MAML3: variants seen among roughly 807,000 people sequenced by gnomAD.
MAML3 encodes mastermind like transcriptional coactivator 3.
In MAML3, 27 loss-of-function variants were observed where a neutral mutation model predicts 101.9. That is an observed-to-expected ratio of 0.27 (90% CI 0.20 to 0.37). The LOEUF (loss-of-function observed/expected upper bound fraction) is 0.37, where lower values mean the gene tolerates loss of function less well. MAML3 is among the 10% of genes least tolerant of loss of function. MAML3 has a pLI of 1.00. For missense variants in MAML3, 1,316 were observed against 1,444.9 expected, an observed-to-expected ratio of 0.91 and a Z score of 1.45; for synonymous variants, 501 against 555.9, an observed-to-expected ratio of 0.90 and a Z score of 1.39.
Position 140,153,045 on chromosome 4 carries a change from A to T in MAML3, c.283T>A (p.Tyr95Asn). ...RRHHVNCENR[Y>N]QQAQVEQLEL... Reference sequence around the variant, plus strand: ...AGCTGCTCCACCTGAGCCTGCTGGTACCTGTTCTCGCAGTTGACGTGGTGC... The same window carrying T: ...AGCTGCTCCACCTGAGCCTGCTGGTTCCTGTTCTCGCAGTTGACGTGGTGC... The change falls in exon 1 of 5, where the codon TAC becomes AAC. Residue 95 changes from tyrosine (Y) to asparagine (N), a missense_variant. Tyr to Asn is a moderately radical substitution (Grantham distance 143). Transcript: ENST00000509479. 1 of 1,584,548 alleles carries T rather than the reference A, an allele frequency of 6.3e-7. No homozygotes were observed. Among genetic ancestry groups the T allele is most frequent in the Non-Finnish European group, 8.6e-7 (1 of 1,165,190 alleles).
chr4:139,852,657 C>T (rs551433361), intron 2 of MAML3, among the ~76,000 whole-genome samples: 8 of 152,164 alleles, frequency 5.3e-5, no homozygotes, highest in East Asian at 1.9e-4. Flanking sequence ...TCAAGTGATC[C>T]GCCCACCTCA....
intron 1 of MAML3, among the ~76,000 whole-genome samples, chr4:140,072,377 T>A (rs1443577980): frequency 6.6e-6 from 1 of 152,080 alleles, no homozygotes; most frequent in African/African-American, 2.4e-5. Context: ...AAGGGATAAC[T>A]TAAAGTATAC....
intron 2 of MAML3, among the ~76,000 whole-genome samples, chr4:139,771,979 C>T: frequency 6.6e-6 from 1 of 151,008 alleles, no homozygotes; most frequent in African/African-American, 2.4e-5. Context: ...GTGGCTCACG[C>T]CTGTAATCCC....
chr4:140,025,720 C>T (rs556792844), intron 1 of MAML3, among the ~76,000 whole-genome samples: 2 of 152,322 alleles, frequency 1.3e-5, no homozygotes, highest in South Asian at 4.1e-4. Context: ...CAGCTGTCAG[C>T]TCTAGATATA....
chr4:140,063,801 A>AG (rs1727487895), intron 1 of MAML3, among the ~76,000 whole-genome samples: 1 of 152,010 alleles, frequency 6.6e-6, no homozygotes, highest in South Asian at 2.1e-4. Context: ...CTTTAAAAAA[A>AG]AAAAGTAAAA....
At chr4:140,040,656 T>A (rs1450150629) in intron 1 of MAML3, among the ~76,000 whole-genome samples, 1 of 152,232 alleles carries the variant, frequency 6.6e-6, no homozygotes, top group Non-Finnish European at 1.5e-5. Flanking sequence ...ATTATAATTT[T>A]GTGGAAAATG....
chr4:139,840,777 G>A (rs1395662235), intron 2 of MAML3, among the ~76,000 whole-genome samples: 1 of 152,190 alleles, frequency 6.6e-6, no homozygotes, highest in Non-Finnish European at 1.5e-5. Flanking sequence ...AAGGTAAGGA[G>A]GATGTTGCTC....
intron 2 of MAML3, among the ~76,000 whole-genome samples, chr4:139,756,890 T>C (rs1308764954): frequency 6.6e-6 from 1 of 152,164 alleles, no homozygotes; most frequent in Non-Finnish European, 1.5e-5. Flanking sequence ...CTCTTAACAT[T>C]GCAGGACCTC....
intron 1 of MAML3, among the ~76,000 whole-genome samples, chr4:140,079,601 T>C (rs1278692095): frequency 6.6e-6 from 1 of 152,180 alleles, no homozygotes; most frequent in African/African-American, 2.4e-5. Context: ...GCCATAGTTC[T>C]ACATATTTAT....
intron 1 of MAML3, among the ~76,000 whole-genome samples, chr4:140,024,746 C>T (rs1726792225): frequency 6.6e-6 from 1 of 152,134 alleles, no homozygotes; most frequent in Non-Finnish European, 1.5e-5. Flanking sequence ...AGTATCTAAC[C>T]TCTTGGTTCC....
chr4:139,848,861 C>A (rs1008418435), intron 2 of MAML3, among the ~76,000 whole-genome samples: 14 of 152,120 alleles, frequency 9.2e-5, no homozygotes, highest in African/African-American at 3.4e-4. Flanking sequence ...ACATGCTTTA[C>A]GCTATGAAAT....
intron 2 of MAML3, among the ~76,000 whole-genome samples, chr4:139,875,913 C>T (rs1036557454): frequency 2.2e-5 from 1 of 45,500 alleles, no homozygotes; most frequent in Admixed American, 3.2e-4. Context: ...GACTCACAAA[C>T]AGCAAAAAAA....
chr4:140,047,168 A>C (rs1727196336), intron 1 of MAML3, among the ~76,000 whole-genome samples: 1 of 152,166 alleles, frequency 6.6e-6, no homozygotes, highest in Non-Finnish European at 1.5e-5. Context: ...GGTGCCGCCT[A>C]AGCAAAGACA....
Position 139,883,060 on chromosome 4 carries a change from C to T in MAML3, c.2079+6297G>A, listed in dbSNP as rs147070821. ...AAAGAGGTGGGATCGAGAAAACAGACGACGCAACACAGAACGGTGGTGAAA... is the reference window on the plus strand; with the variant it reads ...AAAGAGGTGGGATCGAGAAAACAGATGACGCAACACAGAACGGTGGTGAAA... On this transcript the variant is annotated intron_variant, in intron 2 of 4. Coordinates refer to ENST00000509479, the MANE Select transcript of MAML3 (RefSeq NM_018717.5). Among the ~76,000 whole-genome samples, 818 of 152,208 alleles carry T rather than the reference C, an allele frequency of 5.4e-3. 6 individuals are homozygous for T. The highest frequency in any genetic ancestry group is 0.018 in the African/African-American group (728 of 41,514).
intron 2 of MAML3, among the ~76,000 whole-genome samples, chr4:139,858,679 C>T (rs1731711948): frequency 6.6e-6 from 1 of 152,122 alleles, no homozygotes; most frequent in South Asian, 2.1e-4. Context: ...GGCGGCACTG[C>T]CTGAGGTCTT....
chr4:140,149,697 T>C (rs1241570762), intron 1 of MAML3, among the ~76,000 whole-genome samples: 1 of 152,204 alleles, frequency 6.6e-6, no homozygotes, highest in Non-Finnish European at 1.5e-5. Flanking sequence ...TCATTGTTTT[T>C]CTTTAGGGCT....
At chr4:139,791,894 C>T (rs1730422015) in intron 2 of MAML3, among the ~76,000 whole-genome samples, 1 of 152,170 alleles carries the variant, frequency 6.6e-6, no homozygotes, top group Non-Finnish European at 1.5e-5. Context: ...TGAATGTGTT[C>T]CTTCCCAGAA....
intron 2 of MAML3, among the ~76,000 whole-genome samples, chr4:139,851,714 C>A (rs13148178): frequency 2.5e-3 from 380 of 152,246 alleles, no homozygotes; most frequent in Non-Finnish European, 4.4e-3. Flanking sequence ...CTTGAGATTA[C>A]AAAGGAAATA....
chr4:139,743,212 C>G (rs1300612884), intron 2 of MAML3, among the ~76,000 whole-genome samples: 1 of 152,204 alleles, frequency 6.6e-6, no homozygotes, highest in Non-Finnish European at 1.5e-5. Context: ...CAACCATTAC[C>G]ACTTCTCTCC....
Sources: gnomAD v4.1 joint callset for allele counts (sites outside exome capture counted in the v4.1 genomes callset) on GRCh38, gnomAD v4.1.1 for gene constraint, MANE v1.5 for transcripts, NCBI Gene and HGNC (gene_info 2026-07-23, HGNC 2026-07-21) for gene names.